PPP2R2C: variants seen among roughly 807,000 people sequenced by gnomAD.
PPP2R2C encodes the protein protein phosphatase 2, regulatory subunit B, gamma.
A neutral mutation model predicts 45.3 loss-of-function variants in PPP2R2C; 10 were observed. That is an observed-to-expected ratio of 0.22 (90% CI 0.14 to 0.37). PPP2R2C has a LOEUF of 0.37. PPP2R2C is among the 10% of genes least tolerant of loss of function. PPP2R2C has a pLI of 1.00. For synonymous variants in PPP2R2C, 257 were observed against 245.4 expected (o/e 1.05, Z -0.44); for missense variants, 308 against 619.7 (o/e 0.50, Z 5.34).
intron 1 of PPP2R2C, among the ~76,000 whole-genome samples, chr4:6,407,222 C>T (rs2109360432): frequency 6.6e-6 from 1 of 152,290 alleles, no homozygotes; most frequent in East Asian, 1.9e-4. Flanking sequence ...GAAACAAGCT[C>T]CTTAATCAGA....
chr4:6,503,805 AAAAC>A (rs1312794767), intron 2 of PPP2R2C, among the ~76,000 whole-genome samples: 1 of 151,934 alleles, frequency 6.6e-6, no homozygotes, highest in African/African-American at 2.4e-5. Flanking sequence ...TAAAAAAAAA[AAAAC>A]AAAAACTGAG....
In PPP2R2C at chr4:6,563,055, G is replaced by T. The variant is rs919212263; in HGVS notation, c.-59+505C>A. 2.2e-4 allele frequency among the ~76,000 whole-genome samples: 34 copies of T among 152,080 alleles called. No individual in the cohort carries two copies. Among genetic ancestry groups the T allele is most frequent in the African/African-American group, 7.5e-4 (31 of 41,408 alleles). On this transcript the variant is annotated intron_variant, in intron 1 of 9. Coordinates refer to the PPP2R2C transcript ENST00000506140. This position sits in a 1 kb window ranked among gnomAD's most constrained non-coding sequence, Gnocchi z 5.8. ...CGGGCAGCGGGAGGAGCGCGTAGAC[G>T]CTGCTGGATGGTACCCGCGGCCGGG...
chr4:6,333,519 G>C, intron 7 of PPP2R2C, 43 bp downstream of exon 7: 1 of 1,599,194 alleles, frequency 6.3e-7, no homozygotes, highest in African/African-American at 1.3e-5. Context: ...TCAGCATAGG[G>C]AAAAAAGACC....
intron 1 of PPP2R2C, among the ~76,000 whole-genome samples, chr4:6,462,009 C>A (rs546235735): frequency 6.6e-6 from 1 of 152,234 alleles, no homozygotes; most frequent in Non-Finnish European, 1.5e-5. Flanking sequence ...ACCCCCAGCT[C>A]AGATGTGGTC....
chr4:6,353,072 G>A (rs983072088), intron 5 of PPP2R2C, among the ~76,000 whole-genome samples: 14 of 152,066 alleles, frequency 9.2e-5, no homozygotes, highest in African/African-American at 2.9e-4. Flanking sequence ...GAGAGAGCAC[G>A]GCCCTGCCAA....
intron 2 of PPP2R2C, among the ~76,000 whole-genome samples, chr4:6,480,090 T>C (rs991356851): frequency 6.6e-6 from 1 of 152,142 alleles, no homozygotes; most frequent in Non-Finnish European, 1.5e-5. Flanking sequence ...CTAGTCCTCA[T>C]CTTTCCTTTC....
At chr4:6,350,076 A>G (rs1712400637) in intron 5 of PPP2R2C, 1 of 985,328 alleles carries the variant, frequency 1.0e-6, no homozygotes, top group Non-Finnish European at 1.2e-6. Flanking sequence ...AAATAGAAAG[A>G]GAGGGAAAAA....
At chr4:6,458,623 C>G (rs1721168663) in intron 1 of PPP2R2C, among the ~76,000 whole-genome samples, 1 of 152,158 alleles carries the variant, frequency 6.6e-6, no homozygotes, top group South Asian at 2.1e-4. Context: ...GGCAAGGAGG[C>G]AGCACAACTA....
At chr4:6,438,699 C>G (rs60146134) in intron 1 of PPP2R2C, among the ~76,000 whole-genome samples, 7,504 of 152,272 alleles carry the variant, frequency 0.049, 612 homozygotes, top group African/African-American at 0.17. Context: ...TCCATCAGCT[C>G]TGATGTCATT....
intron 5 of PPP2R2C, among the ~76,000 whole-genome samples, chr4:6,362,202 GT>G (rs1158549939): frequency 6.6e-5 from 10 of 152,090 alleles, no homozygotes. Context: ...AAGGAGAGGA[GT>G]TCTAAGAGGG....
At chr4:6,413,932 G>T (rs184003867) in intron 1 of PPP2R2C, 2 of 1,536,062 alleles carry the variant, frequency 1.3e-6, no homozygotes, top group South Asian at 2.4e-5. Flanking sequence ...CAGCGTCTTC[G>T]TTATACTCAA....
At chr4:6,445,411 GGATAA>G (rs1450165748) in intron 1 of PPP2R2C, among the ~76,000 whole-genome samples, 5 of 152,206 alleles carry the variant, frequency 3.3e-5, no homozygotes, top group Non-Finnish European at 7.3e-5. Flanking sequence ...GTTTGCAAAA[GGATAA>G]GATGTCAAAT....
intron 1 of PPP2R2C, among the ~76,000 whole-genome samples, chr4:6,428,100 G>T (rs4234740): frequency 0.96 from 146,904 of 152,316 alleles, 71,057 homozygotes; most frequent in East Asian, 1. Context: ...CCTAAGAGCC[G>T]CATGTCACAA....
chr4:6,383,514 C>T (rs1173116060), intron 1 of PPP2R2C: 1 of 1,042,362 alleles, frequency 9.6e-7, no homozygotes, highest in African/African-American at 1.7e-5. Context: ...AAGACCTGCT[C>T]TCTCGGCCTG....
chr4:6,425,775 G>T (rs974597547), intron 1 of PPP2R2C, among the ~76,000 whole-genome samples: 2 of 151,974 alleles, frequency 1.3e-5, no homozygotes, highest in Non-Finnish European at 2.9e-5. Flanking sequence ...CAGGAAAATT[G>T]GTGTGCATAC....
At chr4:6,518,587 C>T (rs1411371921) in intron 2 of PPP2R2C, among the ~76,000 whole-genome samples, 2 of 152,138 alleles carry the variant, frequency 1.3e-5, no homozygotes, top group Admixed American at 1.3e-4. Context: ...TCTGCCAAAA[C>T]TCACACAATA....
intron 2 of PPP2R2C, among the ~76,000 whole-genome samples, chr4:6,511,149 G>A (rs766248481): frequency 1.7e-4 from 26 of 152,128 alleles, no homozygotes; most frequent in Non-Finnish European, 3.4e-4. Context: ...CATTGCATGC[G>A]GTTTAGTGAG....
At chr4:6,402,712 G>A (rs1717498338) in intron 1 of PPP2R2C, among the ~76,000 whole-genome samples, 1 of 152,222 alleles carries the variant, frequency 6.6e-6, no homozygotes, top group Non-Finnish European at 1.5e-5. Flanking sequence ...GGGATTCTGA[G>A]GGCCCAGCCT....
intron 5 of PPP2R2C, among the ~76,000 whole-genome samples, chr4:6,358,404 A>C (rs1457233250): frequency 6.6e-6 from 1 of 152,084 alleles, no homozygotes; most frequent in Non-Finnish European, 1.5e-5. Context: ...TCCAGACAAT[A>C]CCATTCAGGA....
Sources: gnomAD v4.1 joint callset for allele counts (sites outside exome capture counted in the v4.1 genomes callset) on GRCh38, gnomAD v4.1.1 for gene constraint, Gnocchi (gnomAD v3.1) non-coding constraint, MANE v1.5 for transcripts, NCBI Gene and HGNC (gene_info 2026-07-23, HGNC 2026-07-21) for gene names.